TMEM39B: variants seen among roughly 807,000 people sequenced by gnomAD.
TMEM39B encodes the protein transmembrane protein 39B.
In TMEM39B, 23 loss-of-function variants were observed where a neutral mutation model predicts 52.2. The ratio of observed to expected loss-of-function variants is 0.44; its 90% CI spans 0.32 to 0.62. The LOEUF (loss-of-function observed/expected upper bound fraction) is 0.62. TMEM39B is among the 20% of genes least tolerant of loss of function. The pLI is 0.06. For missense variants in TMEM39B, 547 were observed against 642.0 expected (o/e 0.85, Z 1.60); for synonymous variants, 285 against 264.0 (o/e 1.08, Z -0.77).
At chr1:32,075,517 T>C (rs1213417462) in intron 2 of TMEM39B, 86 bp from the exon 3 acceptor site, 1 of 1,392,008 alleles carries the variant, frequency 7.2e-7, no homozygotes, top group African/African-American at 1.4e-5. Context: ...GCTTTTCTGA[T>C]CTTATCCCAC....
chr1:32,083,574 C>T (rs1488188356), intron 5 of TMEM39B, among the ~76,000 whole-genome samples: 1 of 150,672 alleles, frequency 6.6e-6, no homozygotes, highest in East Asian at 1.9e-4. Context: ...ACGCGCCCGC[C>T]ACCACGCCTG....
At chr1:32,072,188 C>A (rs1351468626), upstream of TMEM39B, 1 of 152,206 alleles carries the variant, frequency 6.6e-6, no homozygotes, top group Non-Finnish European at 1.5e-5. Flanking sequence ...AGCAATGGAG[C>A]TACAAGATGA....
intron 6 of TMEM39B, among the ~76,000 whole-genome samples, chr1:32,094,031 G>C (rs1216705409): frequency 6.8e-6 from 1 of 146,704 alleles, no homozygotes; most frequent in Non-Finnish European, 1.5e-5. Context: ...TGTTAGCCAG[G>C]ATGGCCTCGA....
At chr1:32,087,549 G>C (rs1640410217) in intron 5 of TMEM39B, 1 of 151,726 alleles carries the variant, frequency 6.6e-6, no homozygotes, top group African/African-American at 2.4e-5. Context: ...CTTGAACCTG[G>C]GAGGCAGAGG....
chr1:32,084,991 T>C (rs12758716), intron 5 of TMEM39B, among the ~76,000 whole-genome samples: 1 of 152,216 alleles, frequency 6.6e-6, no homozygotes, highest in African/African-American at 2.4e-5. Context: ...TCCAATTCTT[T>C]TATAGATGAC....
intron 7 of TMEM39B, among the ~76,000 whole-genome samples, chr1:32,099,541 G>A (rs1640940477): frequency 6.6e-6 from 1 of 152,136 alleles, no homozygotes; most frequent in Non-Finnish European, 1.5e-5. Context: ...TTTGAAAGAT[G>A]ATGAAGAGCT....
intron 5 of TMEM39B, among the ~76,000 whole-genome samples, chr1:32,089,331 C>T (rs1180978150): frequency 6.6e-6 from 1 of 151,768 alleles, no homozygotes; most frequent in Admixed American, 6.6e-5. Context: ...AAGGGTTTCG[C>T]CATCTTGCCC....
intron 1 of TMEM39B, chr1:32,073,777 C>G: frequency 1.0e-6 from 1 of 985,242 alleles, no homozygotes; most frequent in Non-Finnish European, 1.2e-6. Flanking sequence ...TACATCCAAG[C>G]CCAAAATTGG....
chr1:32,102,397 C>T (rs1641050572), intron 8 of TMEM39B, 34 bp from the exon 9 acceptor site: 3 of 1,593,686 alleles, frequency 1.9e-6, no homozygotes, highest in Non-Finnish European at 2.6e-6. Context: ...TTCTGGAGCA[C>T]ACCTTTTAGC....
chr1:32,088,913 T>C (rs1640491292), intron 5 of TMEM39B, among the ~76,000 whole-genome samples: 1 of 152,096 alleles, frequency 6.6e-6, no homozygotes, highest in Non-Finnish European at 1.5e-5. Context: ...CTTCCTTTTC[T>C]AGTCAAAATT....
At chr1:32,072,722 G>T (rs558661113), upstream of TMEM39B, among the ~76,000 whole-genome samples, 1 of 152,238 alleles carries the variant, frequency 6.6e-6, no homozygotes, top group African/African-American at 2.4e-5. Flanking sequence ...CGGTCCAGGA[G>T]ATGCTGAGAG....
intron 5 of TMEM39B, among the ~76,000 whole-genome samples, chr1:32,090,480 A>G (rs1269164161): frequency 6.6e-6 from 1 of 151,866 alleles, no homozygotes; most frequent in East Asian, 1.9e-4. Flanking sequence ...TCTGAGACAA[A>G]GTCTTACTCT....
At chr1:32,095,094 A>G in intron 7 of TMEM39B, 123 bp downstream of exon 7, 1 of 1,198,286 alleles carries the variant, frequency 8.3e-7, no homozygotes, top group Non-Finnish European at 1.2e-6. Context: ...CTTGTATATT[A>G]TTAGGCCAGG....
At chr1:32,077,724 C>T (rs1187645584) in intron 5 of TMEM39B, among the ~76,000 whole-genome samples, 3 of 152,072 alleles carry the variant, frequency 2.0e-5, no homozygotes, top group Admixed American at 2.0e-4. Flanking sequence ...GTCTGTGTGC[C>T]AGCAAACAGC....
intron 4 of TMEM39B, 106 bp from the exon 5 acceptor site, chr1:32,077,058 C>T (rs1377743796): frequency 2.0e-6 from 3 of 1,497,560 alleles, no homozygotes; most frequent in Admixed American, 3.6e-5. Context: ...GCCTGCTGTG[C>T]CACCTCTCCC....
Position 32,091,332 on chromosome 1 carries a change from G to A in TMEM39B, c.591-343G>A, listed in dbSNP as rs532957011. Reference sequence around the variant, plus strand: ...GAAAAGCGTTTGCCTGAAAGCATTCGGTACAGTGCCTGGAACATAGGCCGA... The same window carrying A: ...GAAAAGCGTTTGCCTGAAAGCATTCAGTACAGTGCCTGGAACATAGGCCGA... On this transcript the variant is annotated intron_variant, in intron 5 of 8. Transcript: ENST00000336294. Among the ~76,000 whole-genome samples the A allele has an allele frequency of 4.6e-5, 7 of 152,304 alleles. No homozygotes were observed. In the South Asian group the frequency reaches 8.3e-4, roughly 18 times the overall value.
rs3831938 is a variant in TMEM39B, at chr1:32,075,839, G to GGTGT, written c.351+39_351+42dup. On this transcript the variant is annotated intron_variant, in intron 3 of 8. Transcript: ENST00000336294. ...ACCTCCCTGGTAGGTACCCAACAAG[G>GGTGT]GTGTGTGTGTGTGTGTGTGTGTGTG... is the stretch of plus-strand genomic sequence containing the variant. 715 of 1,260,488 alleles carry GGTGT rather than the reference G, an allele frequency of 5.7e-4. No individual in the cohort carries two copies. The highest frequency in any genetic ancestry group is 2.4e-3 in the East Asian group (87 of 35,678). The allele number at this position is 1,260,488 out of a possible 1,614,324, so 78.1% of individuals were successfully genotyped here.
rs183784961 is a variant in TMEM39B at position 32,073,098 on chromosome 1, G to C, written c.4+47G>C. 86 of 1,415,202 alleles carry C rather than the reference G, an allele frequency of 6.1e-5. No individual in the cohort carries two copies. In the Admixed American group the frequency reaches 1.5e-3, roughly 24 times the overall value. The allele number at this position is 1,415,202 out of a possible 1,614,324, so 87.7% of individuals were successfully genotyped here. On this transcript the variant is annotated intron_variant, in intron 1 of 8. Transcript: ENST00000336294. ...CGGCCTGGCAACGAGCGGGCGCACG[G>C]GTTAGGATGGCCAGGCTGCTAATTG... is the stretch of plus-strand genomic sequence containing the variant.
intron 7 of TMEM39B, among the ~76,000 whole-genome samples, chr1:32,097,821 T>G (rs947372735): frequency 2.6e-5 from 4 of 151,850 alleles, no homozygotes; most frequent in African/African-American, 9.7e-5. Context: ...ATTTTTTGTA[T>G]TTTTAGTAGA....
Sources: allele counts gnomAD v4.1 joint callset (sites outside exome capture counted in the v4.1 genomes callset), GRCh38; gene constraint gnomAD v4.1.1; transcripts MANE v1.5; gene names NCBI Gene and HGNC (gene_info 2026-07-23, HGNC 2026-07-21).